EPHA7: variants seen among roughly 807,000 people sequenced by gnomAD.
The protein encoded by EPHA7 is EPH receptor A7.
Under a neutral mutation model 112.6 loss-of-function variants are expected in EPHA7, and 25 were observed. That is an observed-to-expected ratio of 0.22 (90% CI 0.16 to 0.31). The LOEUF (loss-of-function observed/expected upper bound fraction) is 0.31. EPHA7 is among the 10% of genes least tolerant of loss of function. The pLI is 1.00. For missense variants in EPHA7, 962 were observed against 1,212.6 expected, an observed-to-expected ratio of 0.79 and a Z score of 3.07; for synonymous variants, 437 against 406.5, an observed-to-expected ratio of 1.07 and a Z score of -0.90.
chr6:93,375,822 C>T (rs1292260460), intron 3 of EPHA7, among the ~76,000 whole-genome samples: 1 of 152,114 alleles, frequency 6.6e-6, no homozygotes, highest in Admixed American at 6.6e-5. Flanking sequence ...CTGCTTCCCA[C>T]CTAACCTAAG....
chr6:93,275,606 A>G (rs1322755238), intron 5 of EPHA7, among the ~76,000 whole-genome samples: 2 of 12,750 alleles, frequency 1.6e-4, no homozygotes, highest in Non-Finnish European at 3.4e-4. Flanking sequence ...GACAATGACA[A>G]GAAGACCTTA....
intron 14 of EPHA7, among the ~76,000 whole-genome samples, chr6:93,248,696 C>CA (rs146610467): frequency 6.7e-5 from 9 of 135,096 alleles, no homozygotes; most frequent in Admixed American, 1.5e-4. Flanking sequence ...AACAAACAAA[C>CA]AACAACAACA....
At chr6:93,397,859 T>C (rs1778256047) in intron 3 of EPHA7, among the ~76,000 whole-genome samples, 1 of 151,946 alleles carries the variant, frequency 6.6e-6, no homozygotes, top group African/African-American at 2.4e-5. Flanking sequence ...GTGGCTGCAA[T>C]AAAAAAGTGT....
In EPHA7 at chr6:93,246,892, C is replaced by T. The variant is rs748985745; in HGVS notation, c.2626G>A (p.Glu876Lys). The T allele has an allele frequency of 1.9e-6, 3 of 1,613,862 alleles. No individual in the cohort carries two copies. In the South Asian group the frequency reaches 3.3e-5, roughly 18 times the overall value. The change falls in exon 15 of 17, where the codon GAG becomes AAG. Residue 876 changes from glutamate (E) to lysine (K), a missense_variant. This residue lies in a region of EPHA7 where 746 missense variants were observed against 889.2 expected (regional missense o/e 0.84). Coordinates refer to ENST00000369303, the MANE Select transcript of EPHA7 (RefSeq NM_004440.4). ...TCAAATTTTGGCCTTTCAGCACGCT[C>T]CTTTTGCCAACAATCCAACATTAGC... ...HQLMLDCWQK[E>K]RAERPKFEQI...
intron 5 of EPHA7, among the ~76,000 whole-genome samples, chr6:93,292,412 G>C (rs1027847353): frequency 6.6e-6 from 1 of 151,984 alleles, no homozygotes; most frequent in African/African-American, 2.4e-5. Context: ...ATACCATTTA[G>C]AAAAACAATA....
intron 1 of EPHA7, among the ~76,000 whole-genome samples, chr6:93,418,636 C>G (rs1326337784): frequency 6.6e-6 from 1 of 152,184 alleles, no homozygotes; most frequent in African/African-American, 2.4e-5. Flanking sequence ...CGCGCTTCAC[C>G]TCCGCGGCGT....
intron 5 of EPHA7, among the ~76,000 whole-genome samples, chr6:93,303,265 CA>C (rs1344817374): frequency 6.6e-6 from 1 of 152,088 alleles, no homozygotes; most frequent in East Asian, 1.9e-4. Flanking sequence ...ATTCAAAATA[CA>C]GCCAGTGTTA....
intron 3 of EPHA7, among the ~76,000 whole-genome samples, chr6:93,364,749 TA>T (rs1303117519): frequency 2.0e-5 from 3 of 152,104 alleles, no homozygotes; most frequent in Admixed American, 6.5e-5. Flanking sequence ...AATTAAAAAC[TA>T]AAAAAAGAAA....
chr6:93,316,022 C>G (rs901966678), intron 5 of EPHA7, among the ~76,000 whole-genome samples: 3 of 152,048 alleles, frequency 2.0e-5, no homozygotes, highest in Non-Finnish European at 4.4e-5. Context: ...CAGCTAAGCT[C>G]CTATGTTTTT....
intron 7 of EPHA7, among the ~76,000 whole-genome samples, chr6:93,267,519 C>T (rs529052783): frequency 6.6e-6 from 1 of 151,614 alleles, no homozygotes; most frequent in Non-Finnish European, 1.5e-5. Context: ...TTACTGAGTG[C>T]CTTCTGTGCC....
chr6:93,313,200 G>T (rs994592572), intron 5 of EPHA7, among the ~76,000 whole-genome samples: 2 of 152,106 alleles, frequency 1.3e-5, no homozygotes, highest in African/African-American at 4.8e-5. Context: ...CTGCAAAACA[G>T]AATAAAACCA....
intron 5 of EPHA7, among the ~76,000 whole-genome samples, chr6:93,349,305 AAAGT>A (rs1161573198): frequency 6.6e-6 from 1 of 151,912 alleles, no homozygotes; most frequent in African/African-American, 2.4e-5. Context: ...CTAACAGTCT[AAAGT>A]TACTCCTTGT....
chr6:93,249,310 A>C (rs992639206), intron 14 of EPHA7, among the ~76,000 whole-genome samples: 5 of 152,162 alleles, frequency 3.3e-5, no homozygotes, highest in Non-Finnish European at 7.4e-5. Context: ...TTAAGTGCTA[A>C]GAATTTCAGT....
Position 93,410,487 on chromosome 6 carries a change from G to C in EPHA7, c.832+14C>G, listed in dbSNP as rs373763485. ...AAAAGGCAAAGTGGAGTTTTAATAGGACACATTACTTACGTTCACAAGTGT... is the reference window on the plus strand; with the variant it reads ...AAAAGGCAAAGTGGAGTTTTAATAGCACACATTACTTACGTTCACAAGTGT... On this transcript the variant is annotated intron_variant, in intron 3 of 16. Transcript: ENST00000369303. This position sits in a 1 kb window ranked among gnomAD's most constrained non-coding sequence, Gnocchi z 4.0. The C allele has an allele frequency of 2.5e-6, 4 of 1,597,414 alleles. No individual in the cohort carries two copies. The highest frequency in any genetic ancestry group is 3.4e-6 in the Non-Finnish European group (4 of 1,171,496).
chr6:93,338,758 T>C (rs1774997019), intron 5 of EPHA7, among the ~76,000 whole-genome samples: 1 of 151,632 alleles, frequency 6.6e-6, no homozygotes, highest in Non-Finnish European at 1.5e-5. Flanking sequence ...CCCTTTAAAA[T>C]AATTGTCTTC....
At chr6:93,254,081 A>G (rs2274940) in intron 14 of EPHA7, among the ~76,000 whole-genome samples, 98,261 of 151,816 alleles carry the variant, frequency 0.65, 32,861 homozygotes, top group South Asian at 0.83. Flanking sequence ...TGTACATTTA[A>G]TAAATATACT....
chr6:93,401,208 A>T (rs1778423020), intron 3 of EPHA7, among the ~76,000 whole-genome samples: 1 of 152,128 alleles, frequency 6.6e-6, no homozygotes, highest in Admixed American at 6.6e-5. Flanking sequence ...AAATAACTTA[A>T]ATGACTAAAT....
intron 3 of EPHA7, among the ~76,000 whole-genome samples, chr6:93,375,804 C>T (rs115538825): frequency 0.011 from 1,677 of 152,254 alleles, 27 homozygotes; most frequent in African/African-American, 0.038. Context: ...ACACAATTTG[C>T]TGTTAATCTG....
intron 14 of EPHA7, among the ~76,000 whole-genome samples, chr6:93,248,472 T>C (rs1770057896): frequency 6.6e-6 from 1 of 152,182 alleles, no homozygotes; most frequent in African/African-American, 2.4e-5. Flanking sequence ...AACTCTCTCC[T>C]AATCACTAGG....
Sources: gnomAD v4.1 joint callset for allele counts (sites outside exome capture counted in the v4.1 genomes callset) on GRCh38, gnomAD v4.1.1 for gene constraint, gnomAD v4.1.1 regional missense constraint, Gnocchi (gnomAD v3.1) non-coding constraint, MANE v1.5 for transcripts, NCBI Gene and HGNC (gene_info 2026-07-23, HGNC 2026-07-21) for gene names.